The following SNX1 variants were observed in gnomAD, a reference collection of about 807,000 sequenced individuals.
SNX1 encodes the protein sorting nexin 1.
SNX1 carries 36 observed loss-of-function variants against 71.8 expected under a neutral mutation model. The ratio of observed to expected loss-of-function variants is 0.50; its 90% CI spans 0.38 to 0.66. The LOEUF is 0.66. Ranked by LOEUF, SNX1 falls within the 30% of genes least tolerant of loss-of-function variation. The pLI, the probability that SNX1 is intolerant of heterozygous loss-of-function variation, is 0.00. For synonymous variants in SNX1, 254 were observed against 240.7 expected, an observed-to-expected ratio of 1.06 and a Z score of -0.51; for missense variants, 612 against 646.7, an observed-to-expected ratio of 0.95 and a Z score of 0.58.
At chr15:64,136,718 C>G (rs2081363640) in intron 13 of SNX1, 143 bp from the exon 14 acceptor site, 1 of 665,646 alleles carries the variant, frequency 1.5e-6, no homozygotes, top group East Asian at 2.7e-5. Context: ...TTGGCAGACC[C>G]TCTTTGGCTG....
At chr15:64,131,594 C>T (rs886528645) in intron 10 of SNX1, 93 bp from the exon 11 acceptor site, 53 of 1,170,270 alleles carry the variant, frequency 4.5e-5, no homozygotes, top group African/African-American at 3.6e-4. Flanking sequence ...ATGCAGTGGG[C>T]GGCATTGCTA....
In SNX1 at chr15:64,140,124, A is replaced by G. The variant is rs2081398769; in HGVS notation, c.*2506A>G. The G allele has an allele frequency of 1.3e-5, 2 of 152,306 alleles. No individual in the cohort carries two copies. The highest frequency in any genetic ancestry group is 2.9e-5 in the Non-Finnish European group (2 of 68,058). 9.4% of individuals were successfully genotyped at this position (152,306 alleles called of 1,614,324 possible). A position where few individuals can be genotyped will look rare whatever the true frequency, so the allele number is the denominator to read the frequency against. ...TTGTGGGGAGATACTTTGAGACTAT[A>G]TAAGTATTTTGTTCCTCATTCACCA... On this transcript the variant is annotated 3_prime_UTR_variant, in exon 15 of 15. Coordinates refer to ENST00000559844, the MANE Select transcript of SNX1 (RefSeq NM_003099.5).
At chr15:64,132,702 G>GC (rs1184892871) in intron 11 of SNX1, among the ~76,000 whole-genome samples, 1 of 152,136 alleles carries the variant, frequency 6.6e-6, no homozygotes, top group Non-Finnish European at 1.5e-5. Context: ...TTAGAACAGT[G>GC]CCCCCCGCTC....
At chr15:64,112,191 T>C (rs2081084103) in intron 1 of SNX1, among the ~76,000 whole-genome samples, 6 of 152,236 alleles carry the variant, frequency 3.9e-5, no homozygotes, top group Admixed American at 3.9e-4. Flanking sequence ...GCTTGAGTTC[T>C]GGACTCCAGT....
intron 11 of SNX1, 73 bp downstream of exon 11, chr15:64,131,965 G>C: frequency 6.6e-7 from 1 of 1,511,908 alleles, no homozygotes; most frequent in Non-Finnish European, 9.2e-7. Flanking sequence ...CCCTTCCCAA[G>C]ACAGTTTCAT....
chr15:64,121,480 T>C (rs954232592), intron 4 of SNX1, among the ~76,000 whole-genome samples: 1 of 152,236 alleles, frequency 6.6e-6, no homozygotes, highest in African/African-American at 2.4e-5. Context: ...CCTCTATGCA[T>C]GTCTATCTCT....
rs142547795 is a variant in SNX1 at position 64,101,811 on chromosome 15, C to T, written c.159+5639C>T. Among the ~76,000 whole-genome samples, 12 of 152,284 alleles carry T rather than the reference C, an allele frequency of 7.9e-5. No individual in the cohort carries two copies. The East Asian group carries it at 2.3e-3, about 29-fold the overall frequency. On this transcript the variant is annotated intron_variant, in intron 1 of 14. Coordinates refer to ENST00000559844, the MANE Select transcript of SNX1 (RefSeq NM_003099.5). ...CAGCTAGATAGGAGGACTGAGCTCT[C>T]TTATTCTGCAGCCCTGTAGAGTGAA... is the stretch of plus-strand genomic sequence containing the variant.
chr15:64,127,045 T>C, intron 6 of SNX1, 129 bp from the exon 7 acceptor site: 1 of 683,640 alleles, frequency 1.5e-6, no homozygotes, highest in Non-Finnish European at 2.5e-6. Context: ...TCCCTGCATA[T>C]AACATAGAAG....
rs1346076414 is a variant in SNX1, at chr15:64,141,212, T to G, written c.*3594T>G. 6.6e-6 allele frequency: 1 copy of G among 152,246 alleles called. No individual in the cohort carries two copies. The highest frequency in any genetic ancestry group is 2.4e-5 in the African/African-American group (1 of 41,454). 9.4% of individuals were successfully genotyped at this position (152,246 alleles called of 1,614,324 possible). A position where few individuals can be genotyped will look rare whatever the true frequency, so the allele number is the denominator to read the frequency against. On this transcript the variant is annotated 3_prime_UTR_variant, in exon 15 of 15. Coordinates refer to ENST00000559844, the MANE Select transcript of SNX1 (RefSeq NM_003099.5). The surrounding 1 kb of genome is among the most constrained non-coding windows in gnomAD (Gnocchi z 5.1). ...TCTTTCCTCCAGAGAGACAAAGATT[T>G]CAGGTTGCTTTGTTAAGTTCCATCT...
At chr15:64,098,689 C>CT (rs2080927312) in intron 1 of SNX1, among the ~76,000 whole-genome samples, 4 of 100,294 alleles carry the variant, frequency 4.0e-5, no homozygotes, top group African/African-American at 1.5e-4. Context: ...GACTCTCTCT[C>CT]AAAAAAAAAA....
chr15:64,127,313 A>G, intron 7 of SNX1, 61 bp downstream of exon 7: 1 of 1,319,742 alleles, frequency 7.6e-7, no homozygotes, highest in Non-Finnish European at 1.1e-6. Flanking sequence ...CTGAAAAGTG[A>G]GTCTAAATGA....
intron 1 of SNX1, among the ~76,000 whole-genome samples, chr15:64,104,083 T>C (rs2080992143): frequency 6.6e-6 from 1 of 152,158 alleles, no homozygotes; most frequent in Non-Finnish European, 1.5e-5. Context: ...GATAGGTATA[T>C]GCAAAGACTC....
intron 13 of SNX1, 116 bp downstream of exon 13, chr15:64,136,526 G>C: frequency 5.9e-6 from 5 of 854,658 alleles, no homozygotes; most frequent in Non-Finnish European, 9.9e-6. Context: ...GGCAGTTCTC[G>C]TGAGCAGGCG....
intron 8 of SNX1, 145 bp downstream of exon 8, chr15:64,127,951 G>A: frequency 1.6e-6 from 1 of 615,318 alleles, no homozygotes; most frequent in Non-Finnish European, 2.8e-6. Context: ...AGAGTGACAA[G>A]TATTTTTCAG....
chr15:64,108,771 T>G (rs981970094), intron 1 of SNX1, among the ~76,000 whole-genome samples: 31 of 151,854 alleles, frequency 2.0e-4, no homozygotes, highest in African/African-American at 7.5e-4. Context: ...ACAGATCACC[T>G]TAGGTCAGGA....
At chr15:64,099,744 T>G (rs1252764006) in intron 1 of SNX1, among the ~76,000 whole-genome samples, 1 of 152,250 alleles carries the variant, frequency 6.6e-6, no homozygotes, top group East Asian at 1.9e-4. Context: ...ATAGTCTCAC[T>G]CTTTTTGTTC....
At chr15:64,107,738 C>T (rs1245077823) in intron 1 of SNX1, among the ~76,000 whole-genome samples, 1 of 102,472 alleles carries the variant, frequency 9.8e-6, no homozygotes, top group African/African-American at 2.6e-5. Context: ...ATTTTAGCTG[C>T]GAAAAGGAAA....
rs1023114628 is a variant in SNX1 at position 64,127,882 on chromosome 15, T to C, written c.807+76T>C. 1.0e-5 allele frequency: 11 copies of C among 1,072,218 alleles called. No homozygotes were observed. The South Asian group carries it at 1.4e-4, about 14-fold the overall frequency. The allele number at this position is 1,072,218 out of a possible 1,614,324, so 66.4% of individuals were successfully genotyped here. On this transcript the variant is annotated intron_variant, in intron 8 of 14. Coordinates refer to ENST00000559844, the MANE Select transcript of SNX1 (RefSeq NM_003099.5). Reference sequence around the variant, plus strand: ...AAACGAAACTAGTTCATTCCAAAAATATGTGAGCACTTAACATGCCTAGTA... The same window carrying C: ...AAACGAAACTAGTTCATTCCAAAAACATGTGAGCACTTAACATGCCTAGTA...
At chr15:64,119,540 A>C (rs959021180) in intron 4 of SNX1, among the ~76,000 whole-genome samples, 1 of 152,176 alleles carries the variant, frequency 6.6e-6, no homozygotes, top group South Asian at 2.1e-4. Flanking sequence ...CCAGGCCAAC[A>C]TGGTGAAACC....
Sources: gnomAD v4.1 joint callset for allele counts (sites outside exome capture counted in the v4.1 genomes callset) on GRCh38, gnomAD v4.1.1 for gene constraint, Gnocchi (gnomAD v3.1) non-coding constraint, MANE v1.5 for transcripts, NCBI Gene and HGNC (gene_info 2026-07-23, HGNC 2026-07-21) for gene names.